Variants in EYA2 observed in about 807,000 individuals in gnomAD.
EYA2 encodes EYA transcriptional coactivator and phosphatase 2.
Under a neutral mutation model 69.2 loss-of-function variants are expected in EYA2, and 31 were observed. The ratio of observed to expected loss-of-function variants is 0.45; its 90% CI spans 0.34 to 0.60. The LOEUF is 0.60. Ranked by LOEUF, EYA2 falls within the 20% of genes least tolerant of loss-of-function variation. The pLI, the probability that EYA2 is intolerant of heterozygous loss-of-function variation, is 0.02. For missense variants in EYA2, 622 were observed against 701.2 expected (o/e 0.89, Z 1.28); for synonymous variants, 257 against 279.4 (o/e 0.92, Z 0.80).
intron 2 of EYA2, among the ~76,000 whole-genome samples, chr20:46,999,984 A>G (rs1982257028): frequency 6.6e-6 from 1 of 152,194 alleles, no homozygotes; most frequent in African/African-American, 2.4e-5. Flanking sequence ...TCTTATGACA[A>G]TGACTGTCAT....
chr20:47,036,854 A>G (rs1041619762), intron 5 of EYA2, among the ~76,000 whole-genome samples: 10 of 152,194 alleles, frequency 6.6e-5, no homozygotes, highest in African/African-American at 2.4e-4. Context: ...GTTATCAACT[A>G]TGTGACAGGC....
At chr20:47,145,321 G>A (rs1024821688) in intron 10 of EYA2, among the ~76,000 whole-genome samples, 4 of 152,084 alleles carry the variant, frequency 2.6e-5, no homozygotes, top group African/African-American at 4.8e-5. Flanking sequence ...GATGGAGATC[G>A]GGGGCAGTGG....
At position 47,150,616 on chromosome 20, in the gene EYA2, C is replaced by T. The variant is rs560464173; in HGVS notation, c.978+7468C>T. On this transcript the variant is annotated intron_variant, in intron 10 of 15. Transcript: ENST00000327619. ...CTGAGTAGCTGGGACTATAGGCAGG[C>T]GTCACCATGCTCCGCTAATATTTTT... 2.7e-3 allele frequency among the ~76,000 whole-genome samples: 404 copies of T among 152,042 alleles called. 3 individuals are homozygous for T. Among genetic ancestry groups the T allele is most frequent in the Non-Finnish European group, 4.3e-3 (291 of 68,004 alleles).
At chr20:47,151,358 G>A (rs1429895646) in intron 10 of EYA2, among the ~76,000 whole-genome samples, 3 of 151,170 alleles carry the variant, frequency 2.0e-5, no homozygotes, top group East Asian at 2.0e-4. Flanking sequence ...GCAACAGAGC[G>A]AGACTCCATC....
intron 9 of EYA2, among the ~76,000 whole-genome samples, chr20:47,137,253 T>C (rs1418211717): frequency 6.6e-6 from 1 of 152,218 alleles, no homozygotes; most frequent in African/African-American, 2.4e-5. Flanking sequence ...TTCATGTAAG[T>C]GGCATGTTAA....
intron 1 of EYA2, among the ~76,000 whole-genome samples, chr20:46,915,740 C>CATTT (rs917447292): frequency 6.6e-6 from 1 of 152,124 alleles, no homozygotes; most frequent in African/African-American, 2.4e-5. Flanking sequence ...GGAGATCTGC[C>CATTT]AAATGAGCTG....
intron 5 of EYA2, among the ~76,000 whole-genome samples, chr20:47,049,255 A>G (rs1317940499): frequency 6.6e-6 from 1 of 152,226 alleles, no homozygotes; most frequent in East Asian, 1.9e-4. Flanking sequence ...ACCATCGGGC[A>G]GTGATCAGAA....
Position 47,164,979 on chromosome 20 carries a change from C to T in EYA2, c.979-4160C>T, listed in dbSNP as rs79282759. Among the ~76,000 whole-genome samples, 817 of 152,322 alleles carry T rather than the reference C, an allele frequency of 5.4e-3. 27 individuals carry two copies. The East Asian group carries it at 0.084, about 16-fold the overall frequency. On this transcript the variant is annotated intron_variant, in intron 10 of 15. Transcript: ENST00000327619. ...AGCTGCCGGCCTGGCTCCCTCACCCCTCTAGAGCAGCGCTGTCCAGTAGAG... is the reference window on the plus strand; with the variant it reads ...AGCTGCCGGCCTGGCTCCCTCACCCTTCTAGAGCAGCGCTGTCCAGTAGAG...
At chr20:47,151,670 T>C (rs762510882) in intron 10 of EYA2, among the ~76,000 whole-genome samples, 9 of 152,022 alleles carry the variant, frequency 5.9e-5, no homozygotes, top group Non-Finnish European at 1.2e-4. Context: ...TCTTACCCGA[T>C]TCCCCTCAAA....
intron 5 of EYA2, among the ~76,000 whole-genome samples, chr20:47,068,705 A>G (rs2031204559): frequency 6.6e-6 from 1 of 152,154 alleles, no homozygotes; most frequent in African/African-American, 2.4e-5. Context: ...TGATGGATCC[A>G]TCATCTTGGA....
intron 1 of EYA2, among the ~76,000 whole-genome samples, chr20:46,955,867 G>A (rs1979094750): frequency 6.6e-6 from 1 of 152,202 alleles, no homozygotes; most frequent in South Asian, 2.1e-4. Flanking sequence ...TAAAGGGCCA[G>A]ATAGTAAATA....
At chr20:46,900,136 T>C (rs1984022910) in intron 1 of EYA2, among the ~76,000 whole-genome samples, 1 of 152,202 alleles carries the variant, frequency 6.6e-6, no homozygotes. Flanking sequence ...TAAAAGTCTG[T>C]GTTCCCAGAT....
chr20:46,908,613 C>G lies in EYA2; in HGVS notation c.-11+13626C>G, dbSNP rs143264006. The stretch of plus-strand genomic sequence containing the variant: ...ACCGCAGATACCCAGAGAACCCAAA[C>G]AGGTAAGAATTAGTGGAGTAGGTAT... On this transcript the variant is annotated intron_variant, in intron 1 of 15. Transcript: ENST00000327619. 8.5e-5 allele frequency among the ~76,000 whole-genome samples: 13 copies of G among 152,320 alleles called. No individual in the cohort carries two copies. In the East Asian group the frequency reaches 2.3e-3, roughly 27 times the overall value.
At chr20:46,946,397 A>T (rs988653912) in intron 1 of EYA2, among the ~76,000 whole-genome samples, 4 of 152,220 alleles carry the variant, frequency 2.6e-5, no homozygotes, top group Non-Finnish European at 5.9e-5. Flanking sequence ...CCCAGGGTGC[A>T]GGGCCAAGGG....
At chr20:47,000,250 A>G (rs1982279621) in intron 2 of EYA2, among the ~76,000 whole-genome samples, 1 of 152,258 alleles carries the variant, frequency 6.6e-6, no homozygotes, top group Non-Finnish European at 1.5e-5. Context: ...GATGGCTATC[A>G]GCATCATCTC....
Position 46,978,703 on chromosome 20 carries a change from C to T in EYA2, c.-10-11298C>T, listed in dbSNP as rs1290791805. ...CAGAGAACAAACTGGAGGGAGGCCC[C>T]GGTGGCCCCAGGGAGGTGGGCAGGG... On this transcript the variant is annotated intron_variant, in intron 1 of 15. Coordinates refer to ENST00000327619, the MANE Select transcript of EYA2 (RefSeq NM_005244.5). 14 of 533,992 alleles carry T rather than the reference C, an allele frequency of 2.6e-5. No homozygotes were observed. In the East Asian group the frequency reaches 2.7e-4, roughly 10 times the overall value. 33.1% of individuals were successfully genotyped at this position (533,992 alleles called of 1,614,324 possible). A position where few individuals can be genotyped will look rare whatever the true frequency, so the allele number is the denominator to read the frequency against.
chr20:47,064,064 T>A (rs2031014175), intron 5 of EYA2, among the ~76,000 whole-genome samples: 1 of 152,162 alleles, frequency 6.6e-6, no homozygotes, highest in South Asian at 2.1e-4. Context: ...CAGATGATAT[T>A]CCTACCACAG....
In EYA2 at chr20:47,075,360, AAC is replaced by A. The variant is rs2031477241; in HGVS notation, c.661+1027_661+1028del. On this transcript the variant is annotated intron_variant, in intron 7 of 15. Coordinates refer to ENST00000327619, the MANE Select transcript of EYA2 (RefSeq NM_005244.5). Reference sequence around the variant, plus strand: ...TAAGGAGAGGCATAATCCTCACAAAAACAGGTTTATATTATCCCCACCCTTTT... The same window carrying A: ...TAAGGAGAGGCATAATCCTCACAAAAAGGTTTATATTATCCCCACCCTTTT... 2.6e-5 allele frequency among the ~76,000 whole-genome samples: 4 copies of A among 152,188 alleles called. No homozygotes were observed. The South Asian group carries it at 8.3e-4, about 32-fold the overall frequency.
chr20:46,988,333 C>T (rs1027317535), intron 1 of EYA2, among the ~76,000 whole-genome samples: 1 of 151,830 alleles, frequency 6.6e-6, no homozygotes, highest in South Asian at 2.1e-4. Context: ...CATGAATCAT[C>T]TTTTTAAATC....
Sources: allele counts gnomAD v4.1 joint callset (sites outside exome capture counted in the v4.1 genomes callset), GRCh38; gene constraint gnomAD v4.1.1; transcripts MANE v1.5; gene names NCBI Gene and HGNC (gene_info 2026-07-23, HGNC 2026-07-21).